ULK4: variants seen among roughly 807,000 people sequenced by gnomAD.
ULK4 encodes inactive serine/threonine-protein kinase ULK4.
Under a neutral mutation model 160.6 loss-of-function variants are expected in ULK4, and 133 were observed. The ratio of observed to expected loss-of-function variants is 0.83; its 90% confidence interval spans 0.72 to 0.96. The LOEUF is 0.96. ULK4 is among the 40% of genes least tolerant of loss of function. ULK4 has a pLI of 0.00. For missense variants in ULK4, 1,580 were observed against 1,499.5 expected, an observed-to-expected ratio of 1.05 and a Z score of -0.89; for synonymous variants, 534 against 539.8, an observed-to-expected ratio of 0.99 and a Z score of 0.15.
At chr3:41,592,791 T>C (rs1278719116) in intron 31 of ULK4, among the ~76,000 whole-genome samples, 1 of 152,258 alleles carries the variant, frequency 6.6e-6, no homozygotes, top group Non-Finnish European at 1.5e-5. Flanking sequence ...TCACTTATGA[T>C]ACAAAGTGAG....
rs551525608 is a variant in ULK4 at position 41,740,996 on chromosome 3, G to A, written c.2321+13365C>T. 1.1e-4 allele frequency among the ~76,000 whole-genome samples: 16 copies of A among 151,978 alleles called. 1 individual carries two copies. The South Asian group carries it at 3.1e-3, about 30-fold the overall frequency. On this transcript the variant is annotated intron_variant, in intron 22 of 36. Transcript: ENST00000301831. Reference sequence around the variant, plus strand: ...CATAGTCTGCACTGGCTGCCTATTCGTTTCTGACAATAATTTATATTACTA... The same window carrying A: ...CATAGTCTGCACTGGCTGCCTATTCATTTCTGACAATAATTTATATTACTA...
chr3:41,824,442 C>G (rs1451759051), intron 18 of ULK4, among the ~76,000 whole-genome samples: 1 of 152,074 alleles, frequency 6.6e-6, no homozygotes, highest in African/African-American at 2.4e-5. Flanking sequence ...CAGACGGCAC[C>G]TGGAAAATCG....
intron 13 of ULK4, chr3:41,899,252 TA>T (rs1446976529): frequency 1.3e-5 from 2 of 152,246 alleles, no homozygotes; most frequent in African/African-American, 4.8e-5. Context: ...CCTGCCTGAC[TA>T]ACACTATACC....
chr3:41,433,571 C>T (rs933057333), intron 34 of ULK4, among the ~76,000 whole-genome samples: 1 of 152,180 alleles, frequency 6.6e-6, no homozygotes, highest in African/African-American at 2.4e-5. Flanking sequence ...ACCCCCTCCA[C>T]ATACACACAC....
chr3:41,413,447 A>T (rs1237641466), intron 34 of ULK4, among the ~76,000 whole-genome samples: 1 of 152,202 alleles, frequency 6.6e-6, no homozygotes. Flanking sequence ...CAAAAGGAAA[A>T]ATTGATAAAA....
At chr3:41,609,776 A>G (rs2032576061) in intron 31 of ULK4, among the ~76,000 whole-genome samples, 1 of 152,146 alleles carries the variant, frequency 6.6e-6, no homozygotes, top group Non-Finnish European at 1.5e-5. Flanking sequence ...ATTTTAGACC[A>G]GCCTGGTGAA....
At chr3:41,954,961 T>C (rs953978751) in intron 1 of ULK4, among the ~76,000 whole-genome samples, 154 bp from the exon 2 acceptor site, 3 of 152,242 alleles carry the variant, frequency 2.0e-5, no homozygotes, top group African/African-American at 4.8e-5. Flanking sequence ...CTAATGCTGA[T>C]ATTTTTGCAG....
intron 17 of ULK4, among the ~76,000 whole-genome samples, chr3:41,836,642 G>A (rs1042087677): frequency 5.3e-5 from 8 of 152,232 alleles, no homozygotes; most frequent in Non-Finnish European, 8.8e-5. Flanking sequence ...ACCATGCCAC[G>A]TCCCTGGTAT....
intron 20 of ULK4, among the ~76,000 whole-genome samples, chr3:41,790,358 A>G (rs2040114197): frequency 6.6e-6 from 1 of 152,264 alleles, no homozygotes; most frequent in Non-Finnish European, 1.5e-5. Flanking sequence ...CCAAAGGCAT[A>G]TAGCTAGTAA....
intron 35 of ULK4, among the ~76,000 whole-genome samples, chr3:41,257,952 C>T (rs932041607): frequency 3.3e-5 from 5 of 152,052 alleles, no homozygotes; most frequent in Non-Finnish European, 5.9e-5. Context: ...ATTTACCTTG[C>T]TAAATTATTG....
At chr3:41,383,252 C>T (rs1442900787) in intron 35 of ULK4, among the ~76,000 whole-genome samples, 1 of 152,058 alleles carries the variant, frequency 6.6e-6, no homozygotes, top group African/African-American at 2.4e-5. Context: ...GCGCCTGCCA[C>T]TACACCTGGC....
chr3:41,802,255 T>C (rs184288804), intron 19 of ULK4, among the ~76,000 whole-genome samples: 3 of 152,170 alleles, frequency 2.0e-5, no homozygotes, highest in Non-Finnish European at 4.4e-5. Context: ...ATATAATAGA[T>C]TGTTTTCCTT....
intron 35 of ULK4, among the ~76,000 whole-genome samples, chr3:41,351,285 G>A (rs921203975): frequency 6.6e-6 from 1 of 152,178 alleles, no homozygotes; most frequent in African/African-American, 2.4e-5. Context: ...TGTGGGATTG[G>A]TAGTGGATGG....
intron 4 of ULK4, among the ~76,000 whole-genome samples, chr3:41,933,734 A>G (rs1011602405): frequency 2.7e-5 from 4 of 149,910 alleles, no homozygotes; most frequent in Admixed American, 6.7e-5. Context: ...TGCCACACAC[A>G]AAAAATTAAT....
intron 2 of ULK4, among the ~76,000 whole-genome samples, chr3:41,953,504 T>C (rs895834292): frequency 6.6e-6 from 1 of 151,594 alleles, no homozygotes; most frequent in Non-Finnish European, 1.5e-5. Context: ...GGTTTCCCCA[T>C]GTTGGTCAGG....
At chr3:41,467,639 C>G (rs1176290418) in intron 32 of ULK4, among the ~76,000 whole-genome samples, 1 of 152,082 alleles carries the variant, frequency 6.6e-6, no homozygotes, top group Admixed American at 6.6e-5. Flanking sequence ...CTAAAAATAT[C>G]AAACACTGAA....
chr3:41,800,840 G>A (rs73073355), intron 19 of ULK4, among the ~76,000 whole-genome samples: 18,841 of 152,058 alleles, frequency 0.12, 1,347 homozygotes, highest in Middle Eastern at 0.27. Context: ...TGGTCCTAGC[G>A]GTGCTAAAAA....
At chr3:41,604,519 A>G (rs951009888) in intron 31 of ULK4, among the ~76,000 whole-genome samples, 2 of 152,158 alleles carry the variant, frequency 1.3e-5, no homozygotes, top group Admixed American at 6.5e-5. Context: ...CAAAAGATAC[A>G]TAACATTCAT....
At chr3:41,311,202 G>A (rs2080041869) in intron 35 of ULK4, among the ~76,000 whole-genome samples, 1 of 152,134 alleles carries the variant, frequency 6.6e-6, no homozygotes, top group African/African-American at 2.4e-5. Flanking sequence ...AATACTGAGT[G>A]TCAACTTGAT....
Sources: gnomAD v4.1 joint callset for allele counts (sites outside exome capture counted in the v4.1 genomes callset) on GRCh38, gnomAD v4.1.1 for gene constraint, MANE v1.5 for transcripts, NCBI Gene and HGNC (gene_info 2026-07-23, HGNC 2026-07-21) for gene names.